The following RELL1 variants were observed in gnomAD, a reference collection of about 807,000 sequenced individuals.
RELL1 encodes RELT like 1, also known as RELT-like protein 1.
In RELL1, 10 loss-of-function variants were observed where a neutral mutation model predicts 23.0. That is an observed-to-expected ratio of 0.43 (90% CI 0.27 to 0.74). RELL1 has a LOEUF of 0.74. Among genes scored for constraint, RELL1 ranks in the 30% least tolerant of loss-of-function variants. RELL1 has a pLI of 0.19. For synonymous variants in RELL1, 146 were observed against 146.8 expected (o/e 0.99, Z 0.04); for missense variants, 315 against 364.4 (o/e 0.86, Z 1.10).
intron 1 of RELL1, chr4:37,665,449 C>T (rs1393031131): frequency 2.7e-6 from 1 of 372,016 alleles, no homozygotes; most frequent in East Asian, 7.3e-5. Context: ...TAGCTCTCAA[C>T]TGGATTTTCA....
intron 6 of RELL1, among the ~76,000 whole-genome samples, chr4:37,623,929 G>GA (rs1577571260): frequency 6.6e-6 from 1 of 152,000 alleles, no homozygotes; most frequent in Non-Finnish European, 1.5e-5. Flanking sequence ...CAGCTAGAGA[G>GA]AAAAAAATAA....
intron 2 of RELL1, among the ~76,000 whole-genome samples, chr4:37,647,918 T>C (rs1720764326): frequency 6.6e-6 from 1 of 152,208 alleles, no homozygotes; most frequent in Non-Finnish European, 1.5e-5. Flanking sequence ...ACTTTCAAAT[T>C]ACCTACATTC....
At chr4:37,659,177 G>T (rs1721231346) in intron 1 of RELL1, among the ~76,000 whole-genome samples, 1 of 152,180 alleles carries the variant, frequency 6.6e-6, no homozygotes, top group Non-Finnish European at 1.5e-5. Context: ...CAACACAAAG[G>T]CCAGTGTTTG....
chr4:37,656,752 C>T lies in RELL1; in HGVS notation c.89-7252G>A, dbSNP rs144650332. On this transcript the variant is annotated intron_variant, in intron 1 of 6. Transcript: ENST00000454158. ...TTGGGAGTTTGGATTGTTATAAAAG[C>T]GAGTTCAGCTTCCTCGGCACTTTCT... 5.3e-5 allele frequency among the ~76,000 whole-genome samples: 8 copies of T among 152,270 alleles called. No homozygotes were observed. In the East Asian group the frequency reaches 9.6e-4, roughly 18 times the overall value.
At position 37,618,867 on chromosome 4, in the gene RELL1, T is replaced by TTTTTCTTTTCTTTTCTTTTC. The variant is rs148419339; in HGVS notation, c.*4-5545_*4-5526dup. Among the ~76,000 whole-genome samples the TTTTTCTTTTCTTTTCTTTTC allele has an allele frequency of 4.6e-5, 7 of 150,774 alleles. No homozygotes were observed. In the East Asian group the frequency reaches 1.2e-3, roughly 26 times the overall value. The stretch of plus-strand genomic sequence containing the variant: ...TGATTTTTGTTTGGTTGGTTGGTCG[T>TTTTTCTTTTCTTTTCTTTTC]TTTTCTTTTCTTTTCTTTTCTTTTC... On this transcript the variant is annotated intron_variant, in intron 6 of 6. Transcript: ENST00000454158.
chr4:37,605,817 AAG>A (rs1719186804), downstream of RELL1, among the ~76,000 whole-genome samples: 2 of 121,276 alleles, frequency 1.6e-5, no homozygotes, highest in Non-Finnish European at 4.0e-5. Flanking sequence ...GAAAGAAAGA[AAG>A]AAAGAAAGAA....
rs372934493 is a variant in RELL1 at position 37,647,446 on chromosome 4, G to A, written c.314-7C>T. 6.2e-7 allele frequency: 1 copy of A among 1,602,924 alleles called. No individual in the cohort carries two copies. Among genetic ancestry groups the A allele is most frequent in the Middle Eastern group, 1.7e-4 (1 of 6,044 alleles). On this transcript the variant is annotated splice_polypyrimidine_tract_variant and splice_region_variant and intron_variant, in intron 2 of 6. Transcript: ENST00000454158. The stretch of plus-strand genomic sequence containing the variant: ...TTCACACTGTCATTCAATTCTGAAA[G>A]AGAAAAGAGGAGGGGAGAACAGGTT...
intron 6 of RELL1, among the ~76,000 whole-genome samples, chr4:37,602,012 G>A (rs1428250513): frequency 2.6e-5 from 4 of 151,992 alleles, no homozygotes; most frequent in African/African-American, 4.8e-5. Context: ...TCAGGAGTTC[G>A]AGACCAGCCT....
At chr4:37,664,104 G>T (rs931874139) in intron 1 of RELL1, among the ~76,000 whole-genome samples, 1 of 152,106 alleles carries the variant, frequency 6.6e-6, no homozygotes, top group African/African-American at 2.4e-5. Flanking sequence ...TCGACCGGGC[G>T]CAGTGGCTCA....
intron 1 of RELL1, among the ~76,000 whole-genome samples, chr4:37,653,781 T>C (rs1013476948): frequency 3.9e-5 from 6 of 152,286 alleles, no homozygotes; most frequent in Middle Eastern, 3.4e-3. Flanking sequence ...TCCTGTTTCT[T>C]GGGGCACTTG....
intron 1 of RELL1, among the ~76,000 whole-genome samples, chr4:37,657,427 T>G (rs1455035996): frequency 1.3e-5 from 2 of 152,150 alleles, no homozygotes; most frequent in Non-Finnish European, 2.9e-5. Context: ...TTGGGGTTTA[T>G]TTTTTAAGTG....
chr4:37,604,936 C>G lies in RELL1; in HGVS notation c.*4-13719G>C, dbSNP rs1175085839. ...ACACACACAGACACACACACACAGA[C>G]ACACACATACACACACAGAGACACA... On this transcript the variant is annotated intron_variant, in intron 6 of 6. Coordinates refer to the RELL1 transcript ENST00000314117. Among the ~76,000 whole-genome samples, 16 of 140,390 alleles carry G rather than the reference C, an allele frequency of 1.1e-4. 1 individual carries two copies. The highest frequency in any genetic ancestry group is 6.2e-4 in the East Asian group (3 of 4,812). The allele number at this position is 140,390 out of a possible 152,430, so 92.1% of individuals were successfully genotyped here.
At chr4:37,600,167 G>A (rs1014521456) in intron 6 of RELL1, among the ~76,000 whole-genome samples, 1 of 151,874 alleles carries the variant, frequency 6.6e-6, no homozygotes, top group Non-Finnish European at 1.5e-5. Flanking sequence ...CTACTCTGGA[G>A]GCTGAGGCAG....
At position 37,648,449 on chromosome 4, in the gene RELL1, A is replaced by G. The variant is rs146825086; in HGVS notation, c.313+827T>C. Reference sequence around the variant, plus strand: ...TTTGCCTGAAGGGCGACCTACTCCAATGTCACCTTTCTGCAGAAACTGCCC... The same window carrying G: ...TTTGCCTGAAGGGCGACCTACTCCAGTGTCACCTTTCTGCAGAAACTGCCC... On this transcript the variant is annotated intron_variant, in intron 2 of 6. Transcript: ENST00000454158. Among the ~76,000 whole-genome samples the G allele has an allele frequency of 4.7e-4, 72 of 152,328 alleles. No homozygotes were observed. In the East Asian group the frequency reaches 0.013, roughly 27 times the overall value.
Position 37,612,294 on chromosome 4 carries a change from A to C in RELL1, c.*1052T>G, listed in dbSNP as rs1030561207. Among the ~76,000 whole-genome samples, 1 of 148,834 alleles carries C rather than the reference A, an allele frequency of 6.7e-6. No homozygotes were observed. Among genetic ancestry groups the C allele is most frequent in the African/African-American group, 2.5e-5 (1 of 40,206 alleles). On this transcript the variant is annotated 3_prime_UTR_variant, in exon 7 of 7. Coordinates refer to ENST00000454158, the MANE Select transcript of RELL1 (RefSeq NM_001085400.2). Reference sequence around the variant, plus strand: ...AACCATTTTCTCCTTTATTCAATGGATTAACCAAGAATCGCTCAGCTAAAG... The same window carrying C: ...AACCATTTTCTCCTTTATTCAATGGCTTAACCAAGAATCGCTCAGCTAAAG...
intron 1 of RELL1, among the ~76,000 whole-genome samples, chr4:37,664,637 C>G (rs1721468700): frequency 6.6e-6 from 1 of 152,006 alleles, no homozygotes; most frequent in South Asian, 2.1e-4. Context: ...TTCAATCATA[C>G]ACATGAGATA....
chr4:37,667,524 G>T (rs1222529669), intron 1 of RELL1, among the ~76,000 whole-genome samples: 1 of 147,468 alleles, frequency 6.8e-6, no homozygotes, highest in African/African-American at 2.5e-5. Flanking sequence ...TTCAGTAAAA[G>T]TCCATGGAAT....
intron 1 of RELL1, among the ~76,000 whole-genome samples, chr4:37,670,469 A>C (rs1223058644): frequency 1.3e-5 from 2 of 152,264 alleles, no homozygotes; most frequent in Non-Finnish European, 2.9e-5. Context: ...AGAGTCAAAG[A>C]AAACCATATA....
intron 1 of RELL1, among the ~76,000 whole-genome samples, chr4:37,664,236 C>T (rs1406163059): frequency 1.3e-5 from 2 of 151,960 alleles, no homozygotes; most frequent in East Asian, 3.9e-4. Context: ...ATTAGCTGGG[C>T]ATGGTGGCAC....
Sources: allele counts gnomAD v4.1 joint callset (sites outside exome capture counted in the v4.1 genomes callset), GRCh38; gene constraint gnomAD v4.1.1; transcripts MANE v1.5; gene names NCBI Gene and HGNC (gene_info 2026-07-23, HGNC 2026-07-21).